ADGRL3: variants seen among roughly 807,000 people sequenced by gnomAD.
The protein encoded by ADGRL3 is adhesion G protein-coupled receptor L3, also known as calcium-independent alpha-latrotoxin receptor 3.
In ADGRL3, 62 loss-of-function variants were observed where a neutral mutation model predicts 153.5. The observed-to-expected ratio is 0.40, with a 90% CI of 0.33 to 0.50. The LOEUF is 0.50. ADGRL3 is among the 20% of genes least tolerant of loss of function. The probability of loss-of-function intolerance (pLI) is 0.47; values close to 1 mark genes in which losing one functional copy is unlikely to be tolerated. For synonymous variants in ADGRL3, 710 were observed against 672.5 expected (o/e 1.06, Z -0.86); for missense variants, 1,641 against 1,859.4 (o/e 0.88, Z 2.16).
intron 1 of ADGRL3, among the ~76,000 whole-genome samples, chr4:61,331,267 T>C (rs540163514): frequency 6.6e-6 from 1 of 152,320 alleles, no homozygotes; most frequent in South Asian, 2.1e-4. Flanking sequence ...AATTTTAACA[T>C]AGGTCATCAA....
intron 21 of ADGRL3, among the ~76,000 whole-genome samples, chr4:62,002,963 T>C (rs917596953): frequency 6.6e-6 from 1 of 152,186 alleles, no homozygotes; most frequent in African/African-American, 2.4e-5. Context: ...TCTCTTGACA[T>C]TTACCTTCAA....
intron 8 of ADGRL3, among the ~76,000 whole-genome samples, chr4:61,777,787 GA>G (rs1210403544): frequency 6.6e-6 from 1 of 152,034 alleles, no homozygotes; most frequent in Admixed American, 6.5e-5. Context: ...TGCTAAGGAA[GA>G]AAAAAATGCA....
chr4:61,630,174 T>G (rs1261839770), intron 5 of ADGRL3, among the ~76,000 whole-genome samples: 1 of 152,226 alleles, frequency 6.6e-6, no homozygotes, highest in Non-Finnish European at 1.5e-5. Flanking sequence ...TTTTCTGAAC[T>G]GAATTGACCA....
At chr4:61,758,628 T>C (rs943705837) in intron 8 of ADGRL3, among the ~76,000 whole-genome samples, 2 of 152,238 alleles carry the variant, frequency 1.3e-5, no homozygotes, top group African/African-American at 4.8e-5. Context: ...CTTGACTTTT[T>C]ATCCAGTTTA....
At chr4:61,932,461 T>C (rs1299631877) in intron 13 of ADGRL3, among the ~76,000 whole-genome samples, 1 of 152,196 alleles carries the variant, frequency 6.6e-6, no homozygotes, top group East Asian at 1.9e-4. Context: ...ATTCTGTTAA[T>C]GTGGTGTATC....
chr4:61,546,828 C>T (rs2098715901), intron 4 of ADGRL3, among the ~76,000 whole-genome samples: 1 of 152,156 alleles, frequency 6.6e-6, no homozygotes, highest in African/African-American at 2.4e-5. Context: ...TATTTGGAAA[C>T]TTGTGCCATG....
At chr4:61,482,388 A>G (rs1242393876) in intron 2 of ADGRL3, among the ~76,000 whole-genome samples, 1 of 152,076 alleles carries the variant, frequency 6.6e-6, no homozygotes, top group African/African-American at 2.4e-5. Flanking sequence ...TTTCTGATGG[A>G]TTTTCCATCA....
chr4:61,479,185 T>G (rs1457641899), intron 2 of ADGRL3, among the ~76,000 whole-genome samples: 1 of 152,076 alleles, frequency 6.6e-6, no homozygotes, highest in Non-Finnish European at 1.5e-5. Flanking sequence ...TTTTTCTTTT[T>G]TTGACACCAA....
Position 61,813,814 on chromosome 4 carries a change from G to A in ADGRL3, c.1405G>A (p.Ala469Thr). The stretch of plus-strand genomic sequence containing the variant: ...AATTTGTTTTGGGTCCACAGGGCAG[G>A]CACATCATGGACAAGTTTCATACAT... ...FGPLDSRSGQ[A>T]HHGQVSYISP... is the part of the protein sequence containing the mutation. Residue 469 changes from alanine to threonine, a missense_variant, in exon 9 of 27, where the codon GCA becomes ACA. Ala to Thr is a moderately conservative substitution (Grantham distance 58, BLOSUM62 0). This residue lies in a region of ADGRL3 where 734 missense variants were observed against 797.0 expected (regional missense o/e 0.92). Transcript: ENST00000683033. The A allele has an allele frequency of 1.3e-6, 2 of 1,583,224 alleles. No individual in the cohort carries two copies. The highest frequency in any genetic ancestry group is 1.7e-6 in the Non-Finnish European group (2 of 1,152,078).
chr4:61,253,352 A>T (rs1198230592), intron 1 of ADGRL3, among the ~76,000 whole-genome samples: 1 of 152,206 alleles, frequency 6.6e-6, no homozygotes, highest in African/African-American at 2.4e-5. Context: ...GTATTGCAGA[A>T]TGAGTAGGAC....
intron 9 of ADGRL3, among the ~76,000 whole-genome samples, chr4:61,868,647 A>G (rs1403808114): frequency 6.6e-6 from 1 of 152,126 alleles, no homozygotes; most frequent in East Asian, 1.9e-4. Context: ...TTTCTCTTCT[A>G]TATTCTCCAG....
intron 1 of ADGRL3, among the ~76,000 whole-genome samples, chr4:61,366,076 A>T (rs1487374916): frequency 6.6e-6 from 1 of 152,158 alleles, no homozygotes; most frequent in Non-Finnish European, 1.5e-5. Flanking sequence ...GATATGCTAG[A>T]TCCTTTCCTT....
chr4:61,844,651 G>C (rs191438661), intron 9 of ADGRL3, among the ~76,000 whole-genome samples: 2 of 129,584 alleles, frequency 1.5e-5, no homozygotes, highest in East Asian at 2.4e-4. Context: ...ACGAATAATC[G>C]TAATAACCTC....
chr4:61,785,396 A>G (rs1437183653), intron 8 of ADGRL3, among the ~76,000 whole-genome samples: 1 of 152,214 alleles, frequency 6.6e-6, no homozygotes, highest in African/African-American at 2.4e-5. Flanking sequence ...CTGCCTCTTC[A>G]CATGATGCCT....
In ADGRL3 at chr4:61,501,151, C is replaced by T. The variant is rs1032445584; in HGVS notation, c.55+3803C>T. ...TGGCTCTGTAATCCTGTTTATCTGTCAACTGGTTAATAAATATCATTAATT... is the reference window on the plus strand; with the variant it reads ...TGGCTCTGTAATCCTGTTTATCTGTTAACTGGTTAATAAATATCATTAATT... On this transcript the variant is annotated intron_variant, in intron 3 of 26. Transcript: ENST00000683033. Among the ~76,000 whole-genome samples the T allele has an allele frequency of 3.3e-5, 5 of 152,112 alleles. No homozygotes were observed. In the East Asian group the frequency reaches 5.8e-4, roughly 18 times the overall value.
intron 6 of ADGRL3, among the ~76,000 whole-genome samples, chr4:61,682,591 G>A (rs1437834336): frequency 1.5e-5 from 2 of 132,658 alleles, no homozygotes; most frequent in Non-Finnish European, 3.2e-5. Flanking sequence ...TGTAGACCTA[G>A]GGTCTCACTA....
At chr4:61,747,038 C>A (rs187159678) in intron 8 of ADGRL3, among the ~76,000 whole-genome samples, 3 of 152,320 alleles carry the variant, frequency 2.0e-5, no homozygotes, top group Non-Finnish European at 4.4e-5. Context: ...CACTGCCGAT[C>A]TCACAGAAAT....
intron 1 of ADGRL3, among the ~76,000 whole-genome samples, chr4:61,277,888 T>C (rs764894703): frequency 2.6e-4 from 40 of 152,184 alleles, no homozygotes; most frequent in Admixed American, 5.9e-4. Context: ...AGTGGCCACT[T>C]AACTGGCATA....
intron 1 of ADGRL3, among the ~76,000 whole-genome samples, chr4:61,292,984 T>C (rs1287826770): frequency 6.6e-6 from 1 of 152,146 alleles, no homozygotes. Flanking sequence ...AAAAGGGATT[T>C]CACAGACCAT....
Sources: gnomAD v4.1 joint callset for allele counts (sites outside exome capture counted in the v4.1 genomes callset) on GRCh38, gnomAD v4.1.1 for gene constraint, gnomAD v4.1.1 regional missense constraint, MANE v1.5 for transcripts, NCBI Gene and HGNC (gene_info 2026-07-23, HGNC 2026-07-21) for gene names.